Variants in CNNM2 observed in about 807,000 individuals in gnomAD.
The protein encoded by CNNM2 is cyclin and CBS domain divalent metal cation transport mediator 2.
In CNNM2, 12 loss-of-function variants were observed where a neutral mutation model predicts 66.9. The ratio of observed to expected loss-of-function variants is 0.18; its 90% CI spans 0.11 to 0.29. CNNM2 has a LOEUF of 0.29. CNNM2 is among the 10% of genes least tolerant of loss of function. CNNM2 has a pLI of 1.00. For missense variants in CNNM2, 705 were observed against 1,167.7 expected, an observed-to-expected ratio of 0.60 and a Z score of 5.77; for synonymous variants, 557 against 501.8, an observed-to-expected ratio of 1.11 and a Z score of -1.47.
intron 4 of CNNM2, among the ~76,000 whole-genome samples, chr10:103,062,615 T>A (rs1348231084): frequency 6.6e-6 from 1 of 152,200 alleles, no homozygotes; most frequent in Non-Finnish European, 1.5e-5. Flanking sequence ...TCTCAATGTG[T>A]AGATGATATT....
chr10:102,920,234 A>G (rs1259795199), intron 1 of CNNM2, 133 bp downstream of exon 1: 1 of 1,578,218 alleles, frequency 6.3e-7, no homozygotes, highest in African/African-American at 1.3e-5. Flanking sequence ...CTTAATTGCA[A>G]AGTTGAAAGG....
intron 5 of CNNM2, among the ~76,000 whole-genome samples, chr10:103,070,956 C>T (rs1177315912): frequency 6.6e-6 from 1 of 152,116 alleles, no homozygotes; most frequent in Non-Finnish European, 1.5e-5. Context: ...GGGGGAATTT[C>T]ATTAATGGCA....
intron 1 of CNNM2, among the ~76,000 whole-genome samples, chr10:102,975,469 GAAAAA>G (rs57482469): frequency 3.4e-5 from 4 of 119,298 alleles, no homozygotes; most frequent in South Asian, 2.8e-4. Flanking sequence ...GATGGAATTA[GAAAAA>G]AAAAAAAAAA....
chr10:103,027,075 G>A (rs535240416), intron 1 of CNNM2, among the ~76,000 whole-genome samples: 5 of 152,180 alleles, frequency 3.3e-5, no homozygotes, highest in South Asian at 4.1e-4. Flanking sequence ...TATGGCCATT[G>A]CACATAATTT....
chr10:102,918,576 C>G lies in CNNM2; in HGVS notation c.96C>G (p.Ser32Arg), dbSNP rs1487288127. Residue 32 changes from serine to arginine, a missense_variant, in exon 1 of 8, where the codon AGC becomes AGG. By Grantham distance (110) the Ser-to-Arg change is moderately radical. Coordinates refer to ENST00000369878, the MANE Select transcript of CNNM2 (RefSeq NM_017649.5). The surrounding 1 kb of genome is among the most constrained non-coding windows in gnomAD (Gnocchi z 4.1). The stretch of plus-strand genomic sequence containing the variant: ...CTTGGAAGATGGCGGCGCGCCGCAG[C>G]CTCAGCGCTCGCGGCCGGGGGATCC... ...LPTWKMAARRSLSARGRGILQ... is the reference protein window; with the variant it reads ...LPTWKMAARRRLSARGRGILQ... The G allele has an allele frequency of 1.3e-6, 2 of 1,579,216 alleles. No homozygotes were observed. Among genetic ancestry groups the G allele is most frequent in the Non-Finnish European group, 1.7e-6 (2 of 1,166,816 alleles).
At chr10:102,941,739 A>G (rs1846441444) in intron 1 of CNNM2, among the ~76,000 whole-genome samples, 1 of 152,094 alleles carries the variant, frequency 6.6e-6, no homozygotes, top group Non-Finnish European at 1.5e-5. Flanking sequence ...CTCTCCTGCA[A>G]CTTTTTCTCC....
intron 2 of CNNM2, among the ~76,000 whole-genome samples, chr10:103,050,490 T>A (rs1849022710): frequency 6.6e-6 from 1 of 151,350 alleles, no homozygotes; most frequent in Non-Finnish European, 1.5e-5. Flanking sequence ...TGAGCCAAGA[T>A]TGTGCCACTG....
At chr10:102,985,985 A>G (rs563284170) in intron 1 of CNNM2, among the ~76,000 whole-genome samples, 1 of 152,168 alleles carries the variant, frequency 6.6e-6, no homozygotes, top group East Asian at 1.9e-4. Flanking sequence ...ATTGCACCTT[A>G]CCTCCAGACC....
intron 1 of CNNM2, among the ~76,000 whole-genome samples, chr10:103,023,785 A>G (rs1351034526): frequency 6.6e-6 from 1 of 152,210 alleles, no homozygotes; most frequent in Non-Finnish European, 1.5e-5. Flanking sequence ...TACCCTAAAT[A>G]TTATTTTGAA....
intron 1 of CNNM2, among the ~76,000 whole-genome samples, chr10:102,974,083 G>A (rs1189550374): frequency 6.6e-6 from 1 of 152,226 alleles, no homozygotes; most frequent in African/African-American, 2.4e-5. Flanking sequence ...AGGTAATACA[G>A]TTTCCTCTCC....
chr10:103,085,976 T>C lies in CNNM2; in HGVS notation c.*8796T>C, dbSNP rs1285224131. 2.0e-5 allele frequency: 3 copies of C among 152,318 alleles called. No individual in the cohort carries two copies. The highest frequency in any genetic ancestry group is 7.2e-5 in the African/African-American group (3 of 41,464). 9.4% of individuals were successfully genotyped at this position (152,318 alleles called of 1,614,324 possible). On this transcript the variant is annotated 3_prime_UTR_variant, in exon 8 of 8. Coordinates refer to ENST00000369878, the MANE Select transcript of CNNM2 (RefSeq NM_017649.5). ...TTTAAAGGACTTGCTTTCTGCTGTT[T>C]CTAGATACCTAGCAGCGCGAGAACT...
At chr10:102,985,087 G>C (rs1288498858) in intron 1 of CNNM2, among the ~76,000 whole-genome samples, 1 of 152,196 alleles carries the variant, frequency 6.6e-6, no homozygotes, top group Non-Finnish European at 1.5e-5. Context: ...AGGAAATAAC[G>C]AAGGGAAAGT....
intron 1 of CNNM2, among the ~76,000 whole-genome samples, chr10:103,019,123 T>C (rs1178892561): frequency 2.0e-5 from 3 of 151,790 alleles, no homozygotes; most frequent in Admixed American, 6.6e-5. Context: ...GAAAAACTTA[T>C]TCAGATGTGG....
intron 2 of CNNM2, among the ~76,000 whole-genome samples, chr10:103,052,660 C>T (rs2065236227): frequency 6.6e-6 from 1 of 152,036 alleles, no homozygotes; most frequent in Admixed American, 6.5e-5. Flanking sequence ...ATTACAGGCA[C>T]CCGCCATCAC....
In CNNM2 at chr10:103,084,034, T is replaced by C. The variant is rs1040884481; in HGVS notation, c.*6854T>C. 6.6e-6 allele frequency: 1 copy of C among 152,236 alleles called. No homozygotes were observed. The highest frequency in any genetic ancestry group is 2.4e-5 in the African/African-American group (1 of 41,452). 9.4% of individuals were successfully genotyped at this position (152,236 alleles called of 1,614,324 possible). On this transcript the variant is annotated 3_prime_UTR_variant, in exon 8 of 8. Coordinates refer to ENST00000369878, the MANE Select transcript of CNNM2 (RefSeq NM_017649.5). ...TACACGTTCTTTTCCATCACTACTT[T>C]GTCTTCTGTTCCTTCTTACCCTCAT... is the stretch of plus-strand genomic sequence containing the variant.
chr10:102,974,341 A>G (rs2063591587), intron 1 of CNNM2, among the ~76,000 whole-genome samples: 1 of 152,244 alleles, frequency 6.6e-6, no homozygotes, highest in East Asian at 1.9e-4. Flanking sequence ...TGAACTAGTT[A>G]TAAGATGAAG....
At position 102,931,810 on chromosome 10, in the gene CNNM2, A is replaced by G. The variant is rs79254677; in HGVS notation, c.1621+11709A>G. On this transcript the variant is annotated intron_variant, in intron 1 of 7. Transcript: ENST00000369878. ...CCCATGAATAATGTATGAAGGTTCT[A>G]ATTTCTCCAGCATCCTCACCAGCAC... Among the ~76,000 whole-genome samples, 16,264 of 151,440 alleles carry G rather than the reference A, an allele frequency of 0.11. 899 individuals carry two copies. Among genetic ancestry groups the G allele is most frequent in the Middle Eastern group, 0.19 (57 of 294 alleles).
chr10:103,071,822 T>C lies in CNNM2; in HGVS notation c.2216T>C (p.Leu739Ser). ...TTTGTTGTCAGCAGAACAGAGTTGT[T>C]AGCAGCAGGTTCTCCAGGTAATTCT... ...RTFVVSRTEL[L>S]AAGSPGENKS... The change falls in exon 6 of 8, where the codon TTA becomes TCA. Residue 739 changes from leucine to serine, a missense_variant. Physicochemically the swap from Leu to Ser is moderately radical, Grantham distance 145. This residue lies in a region of CNNM2 where 194 missense variants were observed against 227.6 expected (regional missense o/e 0.85). Coordinates refer to ENST00000369878, the MANE Select transcript of CNNM2 (RefSeq NM_017649.5). 1 of 1,613,956 alleles carries C rather than the reference T, an allele frequency of 6.2e-7. No homozygotes were observed. Among genetic ancestry groups the C allele is most frequent in the Non-Finnish European group, 8.5e-7 (1 of 1,179,846 alleles).
At position 102,929,497 on chromosome 10, in the gene CNNM2, T is replaced by C. The variant is rs556777143; in HGVS notation, c.1621+9396T>C. On this transcript the variant is annotated intron_variant, in intron 1 of 7. Transcript: ENST00000369878. ...TTATTGTAGGTTTTTTCTTTTCCTT[T>C]TTGTTGTGATTGAATCCTAAGCTTT... 2.6e-5 allele frequency among the ~76,000 whole-genome samples: 4 copies of C among 152,272 alleles called. No homozygotes were observed. In the South Asian group the frequency reaches 8.3e-4, roughly 32 times the overall value.
Sources: gnomAD v4.1 joint callset for allele counts (sites outside exome capture counted in the v4.1 genomes callset) on GRCh38, gnomAD v4.1.1 for gene constraint, gnomAD v4.1.1 regional missense constraint, Gnocchi (gnomAD v3.1) non-coding constraint, MANE v1.5 for transcripts, NCBI Gene and HGNC (gene_info 2026-07-23, HGNC 2026-07-21) for gene names.